The following TOMM70 variants were observed in gnomAD, a reference collection of about 807,000 sequenced individuals.
TOMM70 encodes the protein translocase of outer mitochondrial membrane 70.
Under a neutral mutation model 73.6 loss-of-function variants are expected in TOMM70, and 13 were observed. The observed-to-expected ratio is 0.18, with a 90% CI of 0.11 to 0.28. The LOEUF (loss-of-function observed/expected upper bound fraction) is 0.28. TOMM70 is among the 10% of genes least tolerant of loss of function. The probability of loss-of-function intolerance (pLI) is 1.00; values close to 1 mark genes in which losing one functional copy is unlikely to be tolerated. For synonymous variants in TOMM70, 257 were observed against 271.2 expected (o/e 0.95, Z 0.51); for missense variants, 609 against 747.5 (o/e 0.81, Z 2.16).
At chr3:100,391,151 G>A (rs2148893993) in intron 1 of TOMM70, among the ~76,000 whole-genome samples, 1 of 152,054 alleles carries the variant, frequency 6.6e-6, no homozygotes, top group East Asian at 1.9e-4. Flanking sequence ...AAAAAAAAAA[G>A]TATAGCAAAT....
rs960755358 is a variant in TOMM70, at chr3:100,371,161, T to C, written c.1452+1445A>G. Among the ~76,000 whole-genome samples the C allele has an allele frequency of 5.3e-5, 8 of 152,058 alleles. 1 individual carries two copies. The highest frequency in any genetic ancestry group is 7.4e-5 in the Non-Finnish European group (5 of 68,006). Reference sequence around the variant, plus strand: ...ATAAACCCTTAAAATCCTTGTGAAATTGTTCTTATAACCTGCCTACAGATA... The same window carrying C: ...ATAAACCCTTAAAATCCTTGTGAAACTGTTCTTATAACCTGCCTACAGATA... On this transcript the variant is annotated intron_variant, in intron 9 of 11. Transcript: ENST00000284320.
intron 5 of TOMM70, among the ~76,000 whole-genome samples, chr3:100,381,189 C>G (rs1706630086): frequency 6.6e-6 from 1 of 152,058 alleles, no homozygotes; most frequent in Non-Finnish European, 1.5e-5. Flanking sequence ...GCAGAAAAAT[C>G]CTTGAAAAAA....
intron 1 of TOMM70, 148 bp downstream of exon 1, chr3:100,400,478 G>A: frequency 1.2e-6 from 1 of 845,980 alleles, no homozygotes; most frequent in Non-Finnish European, 1.8e-6. Context: ...CCCTCCACTG[G>A]CAGCCAGAAA....
intron 1 of TOMM70, among the ~76,000 whole-genome samples, chr3:100,393,347 G>T (rs1301068265): frequency 6.6e-6 from 1 of 152,152 alleles, no homozygotes; most frequent in South Asian, 2.1e-4. Flanking sequence ...ACTCAGAAAT[G>T]GGAAACCAAA....
At chr3:100,367,984 A>G in intron 11 of TOMM70, 60 bp downstream of exon 11, 4 of 1,544,638 alleles carry the variant, frequency 2.6e-6, no homozygotes, top group Non-Finnish European at 3.5e-6. Flanking sequence ...ACGTAATAAG[A>G]ACAAAAAGCT....
At chr3:100,395,213 C>T (rs1250038545) in intron 1 of TOMM70, among the ~76,000 whole-genome samples, 1 of 151,896 alleles carries the variant, frequency 6.6e-6, no homozygotes, top group Non-Finnish European at 1.5e-5. Flanking sequence ...ACTAAAAATA[C>T]AAAAAATTAG....
chr3:100,375,254 G>A, intron 6 of TOMM70, 102 bp from the exon 7 acceptor site: 1 of 1,380,256 alleles, frequency 7.2e-7, no homozygotes, highest in Non-Finnish European at 9.5e-7. Flanking sequence ...TATCACAAAG[G>A]TCACCCTTTT....
At position 100,400,664 on chromosome 3, in the gene TOMM70, T is replaced by C. The variant is rs908611190; in HGVS notation, c.286A>G (p.Ser96Gly). 1 of 1,612,508 alleles carries C rather than the reference T, an allele frequency of 6.2e-7. No individual in the cohort carries two copies. The highest frequency in any genetic ancestry group is 8.5e-7 in the Non-Finnish European group (1 of 1,179,750). Residue 96 changes from serine to glycine, a missense_variant, in exon 1 of 12, where the codon AGC (serine) becomes GGC (glycine). By Grantham distance (56) the Ser-to-Gly change is moderately conservative. Transcript: ENST00000284320. ...GCACCGGGACCTTCAGGGTGTCCGCTGCCCGGGGCCGGACTGGCCCTGCCC... is the reference window on the plus strand; with the variant it reads ...GCACCGGGACCTTCAGGGTGTCCGCCGCCCGGGGCCGGACTGGCCCTGCCC... ...PEGRASPAPG[S>G]GHPEGPGAHL...
chr3:100,397,065 C>A (rs1293549840), intron 1 of TOMM70, among the ~76,000 whole-genome samples: 1 of 152,144 alleles, frequency 6.6e-6, no homozygotes, highest in Non-Finnish European at 1.5e-5. Flanking sequence ...TCTATTTATT[C>A]ATTCCTTTAA....
chr3:100,398,159 G>T (rs1706846535), intron 1 of TOMM70, among the ~76,000 whole-genome samples: 2 of 151,820 alleles, frequency 1.3e-5, no homozygotes. Flanking sequence ...CGAGGTGGGT[G>T]GATCACCTGA....
chr3:100,381,469 A>C, intron 5 of TOMM70, 146 bp downstream of exon 5: 2 of 322,764 alleles, frequency 6.2e-6, no homozygotes, highest in Non-Finnish European at 9.9e-6. Flanking sequence ...TAATAATATT[A>C]TATAATTTTT....
At chr3:100,393,908 A>G (rs1706791409) in intron 1 of TOMM70, among the ~76,000 whole-genome samples, 1 of 152,252 alleles carries the variant, frequency 6.6e-6, no homozygotes, top group South Asian at 2.1e-4. Context: ...TAAAAGGATT[A>G]GCCCACATAT....
chr3:100,399,138 G>C (rs1706858806), intron 1 of TOMM70, among the ~76,000 whole-genome samples: 2 of 151,864 alleles, frequency 1.3e-5, no homozygotes, highest in Admixed American at 6.6e-5. Flanking sequence ...AAAAATTAGC[G>C]GGGCATGGTG....
chr3:100,368,900 A>G (rs765358658), intron 10 of TOMM70, 138 bp downstream of exon 10: 11 of 615,220 alleles, frequency 1.8e-5, no homozygotes, highest in South Asian at 4.3e-5. Context: ...GTAAGAATGA[A>G]AAGACATCTA....
At position 100,366,811 on chromosome 3, in the gene TOMM70, T is replaced by G. The variant is rs865842264; in HGVS notation, c.1674-1094A>C. Among the ~76,000 whole-genome samples the G allele has an allele frequency of 7.9e-5, 12 of 152,380 alleles. No individual in the cohort carries two copies. In the South Asian group the frequency reaches 2.3e-3, roughly 29 times the overall value. On this transcript the variant is annotated intron_variant, in intron 11 of 11. Coordinates refer to ENST00000284320, the MANE Select transcript of TOMM70 (RefSeq NM_014820.5). ...GCCTTGAATTAAAAGCAAAGTGTTT[T>G]TGTGTGCATTATTCTAAGAAGAATC...
intron 1 of TOMM70, among the ~76,000 whole-genome samples, chr3:100,398,044 A>T (rs1706845267): frequency 6.6e-6 from 1 of 152,148 alleles, no homozygotes; most frequent in African/African-American, 2.4e-5. Flanking sequence ...AATGGTACAG[A>T]TCCCCTGGGA....
At chr3:100,375,300 T>A in intron 6 of TOMM70, 148 bp from the exon 7 acceptor site, 1 of 969,226 alleles carries the variant, frequency 1.0e-6, no homozygotes, top group Non-Finnish European at 1.4e-6. Flanking sequence ...GTGTATTCAC[T>A]AAGTTGTGTG....
chr3:100,400,305 CCTTCA>C (rs1226252420), intron 1 of TOMM70, among the ~76,000 whole-genome samples: 14 of 152,090 alleles, frequency 9.2e-5, no homozygotes, highest in African/African-American at 3.4e-4. Context: ...AATTTAGCTT[CCTTCA>C]CTTATTAAAT....
chr3:100,398,357 C>A (rs189645174), intron 1 of TOMM70, among the ~76,000 whole-genome samples: 1 of 138,330 alleles, frequency 7.2e-6, no homozygotes, highest in Non-Finnish European at 1.5e-5. Context: ...GCACTCCAGC[C>A]TGGGTGACAG....
Sources: gnomAD v4.1 joint callset for allele counts (sites outside exome capture counted in the v4.1 genomes callset) on GRCh38, gnomAD v4.1.1 for gene constraint, MANE v1.5 for transcripts, NCBI Gene and HGNC (gene_info 2026-07-23, HGNC 2026-07-21) for gene names.